The following ARHGAP6 variants were observed in gnomAD, a reference collection of about 807,000 sequenced individuals.
ARHGAP6 encodes the protein Rho GTPase activating protein 6.
Under a neutral mutation model 55.7 loss-of-function variants are expected in ARHGAP6, and 16 were observed. That is an observed-to-expected ratio of 0.29 (90% confidence interval 0.19 to 0.44). The LOEUF (loss-of-function observed/expected upper bound fraction) is 0.44. Ranked by LOEUF, ARHGAP6 falls within the 20% of genes least tolerant of loss-of-function variation. The pLI, the probability that ARHGAP6 is intolerant of heterozygous loss-of-function variation, is 1.00. For synonymous variants in ARHGAP6, 382 were observed against 360.9 expected, an observed-to-expected ratio of 1.06 and a Z score of -0.66; for missense variants, 698 against 808.9, an observed-to-expected ratio of 0.86 and a Z score of 1.66.
chrX:11,347,610 G>A (rs959688325), intron 1 of ARHGAP6, among the ~76,000 whole-genome samples: 6 of 112,029 alleles, frequency 5.4e-5, no homozygotes, highest in African/African-American at 1.6e-4. Flanking sequence ...ATGTATGTTC[G>A]AAATCCTTAT....
intron 1 of ARHGAP6, among the ~76,000 whole-genome samples, chrX:11,473,823 T>C (rs1215723981): frequency 8.9e-6 from 1 of 112,086 alleles, no homozygotes; most frequent in Non-Finnish European, 1.9e-5. Flanking sequence ...TTTAAGTACA[T>C]GTGAATTTCC....
chrX:11,427,547 C>A, intron 1 of ARHGAP6: 4 of 929,003 alleles, frequency 4.3e-6, no homozygotes, highest in Non-Finnish European at 5.4e-6. Context: ...AGGACACTCA[C>A]CGCGTAGTGC....
Position 11,664,638 on chromosome X carries a change from C to T in ARHGAP6, c.191G>A (p.Arg64His), listed in dbSNP as rs1368452423. Residue 64 changes from arginine (R) to histidine (H), a missense_variant, in exon 1 of 13, where the codon CGC becomes CAC. By Grantham distance (29) the Arg-to-His change is conservative. Around this residue, in one of 3 missense-constraint regions of ARHGAP6, gnomAD observed 164 missense variants for 149.2 expected, o/e 1.10. Transcript: ENST00000337414. ...GGCTGGGAGTGATGGGGAGTAGAGG[C>T]GGCCCGCCGTGGCTCCCCGCGCACT... ...EGSARGATAGRLYSPSLPAES... is the reference protein window; with the variant it reads ...EGSARGATAGHLYSPSLPAES... 4 of 1,156,992 alleles carry T rather than the reference C, an allele frequency of 3.5e-6. No homozygotes were observed. The highest frequency in any genetic ancestry group is 4.6e-6 in the Non-Finnish European group (4 of 869,042).
chrX:11,652,599 C>A (rs1220672581), intron 1 of ARHGAP6, among the ~76,000 whole-genome samples: 1 of 112,186 alleles, frequency 8.9e-6, no homozygotes, highest in Non-Finnish European at 1.9e-5. Context: ...GCAAGCTAGG[C>A]CAACCCGTAC....
chrX:11,539,196 C>A (rs1298210348), intron 1 of ARHGAP6, among the ~76,000 whole-genome samples: 1 of 111,426 alleles, frequency 9.0e-6, no homozygotes, highest in Non-Finnish European at 1.9e-5. Flanking sequence ...CATCCCTGGC[C>A]TCTACCCACT....
At chrX:11,611,209 C>G (rs991147099) in intron 1 of ARHGAP6, among the ~76,000 whole-genome samples, 1 of 112,193 alleles carries the variant, frequency 8.9e-6, no homozygotes, top group Non-Finnish European at 1.9e-5. Context: ...TCCATCTTAG[C>G]ATAAAGAGGA....
At chrX:11,157,727 T>G (rs1243531769) in intron 9 of ARHGAP6, among the ~76,000 whole-genome samples, 1 of 112,511 alleles carries the variant, frequency 8.9e-6, no homozygotes, top group East Asian at 2.8e-4. Flanking sequence ...GTGGAAGAAT[T>G]TGCTTCTTGC....
chrX:11,334,092 C>T (rs888983274), intron 1 of ARHGAP6: 11 of 108,605 alleles, frequency 1.0e-4, no homozygotes, highest in African/African-American at 3.4e-4. Flanking sequence ...TTCAATCACT[C>T]AGTATTACGC....
intron 1 of ARHGAP6, among the ~76,000 whole-genome samples, chrX:11,626,560 T>G (rs865853502): frequency 7.2e-5 from 8 of 111,764 alleles, no homozygotes; most frequent in African/African-American, 2.6e-4. Context: ...AAAATGTACA[T>G]CAGGAATGCA....
intron 1 of ARHGAP6, among the ~76,000 whole-genome samples, chrX:11,503,842 G>GCACA (rs759110553): frequency 1.4e-4 from 14 of 103,526 alleles, no homozygotes; most frequent in Non-Finnish European, 1.8e-4. Context: ...ATATCCATTT[G>GCACA]CACACACACA....
intron 5 of ARHGAP6, among the ~76,000 whole-genome samples, chrX:11,185,244 GAT>G (rs1318753978): frequency 9.1e-5 from 10 of 109,971 alleles, no homozygotes; most frequent in Non-Finnish European, 1.9e-4. Context: ...GCAAGTGAAA[GAT>G]AAGGTGAAAA....
chrX:11,493,732 G>GT (rs2050594599), intron 1 of ARHGAP6, among the ~76,000 whole-genome samples: 1 of 110,732 alleles, frequency 9.0e-6, no homozygotes, highest in African/African-American at 3.3e-5. Context: ...CGTAAATATA[G>GT]TAAGACCTGG....
At chrX:11,393,089 T>G (rs772403738) in intron 1 of ARHGAP6, among the ~76,000 whole-genome samples, 118 of 111,903 alleles carry the variant, frequency 1.1e-3, no homozygotes, top group Middle Eastern at 4.2e-3. Context: ...ATTATTTTCT[T>G]ATTTAAAGAA....
intron 3 of ARHGAP6, among the ~76,000 whole-genome samples, chrX:11,190,146 A>G (rs2046434877): frequency 8.9e-6 from 1 of 112,141 alleles, no homozygotes; most frequent in Admixed American, 9.5e-5. Flanking sequence ...GCTAATGACC[A>G]AGTCTACATT....
At chrX:11,454,212 G>A (rs748148648) in intron 1 of ARHGAP6, among the ~76,000 whole-genome samples, 1 of 104,829 alleles carries the variant, frequency 9.5e-6, no homozygotes, top group Non-Finnish European at 1.9e-5. Context: ...CGCCCGCCTC[G>A]GCCTCCCAAA....
At chrX:11,180,583 A>G (rs939890814) in intron 6 of ARHGAP6, among the ~76,000 whole-genome samples, 6 of 111,933 alleles carry the variant, frequency 5.4e-5, no homozygotes, top group African/African-American at 1.9e-4. Flanking sequence ...ATGATGAGTG[A>G]GTTAGGGCAT....
intron 1 of ARHGAP6, among the ~76,000 whole-genome samples, chrX:11,508,803 A>G (rs2050757757): frequency 9.3e-6 from 1 of 107,994 alleles, no homozygotes; most frequent in East Asian, 2.9e-4. Flanking sequence ...CACTACTTCA[A>G]ATGCTGATGA....
At chrX:11,523,082 A>G (rs2050950457) in intron 1 of ARHGAP6, among the ~76,000 whole-genome samples, 1 of 112,062 alleles carries the variant, frequency 8.9e-6, no homozygotes, top group East Asian at 2.8e-4. Context: ...GGTTCAACAT[A>G]CACAAATCAA....
intron 10 of ARHGAP6, among the ~76,000 whole-genome samples, chrX:11,149,029 C>A (rs1297622801): frequency 8.9e-6 from 1 of 111,996 alleles, no homozygotes; most frequent in Admixed American, 9.4e-5. Flanking sequence ...GATAAAGGTA[C>A]CCCACTTCAA....
Sources: allele counts gnomAD v4.1 joint callset (sites outside exome capture counted in the v4.1 genomes callset), GRCh38; gene constraint gnomAD v4.1.1; regional missense constraint gnomAD v4.1.1; transcripts MANE v1.5; gene names NCBI Gene and HGNC (gene_info 2026-07-23, HGNC 2026-07-21).